RUNX2: variants seen among roughly 807,000 people sequenced by gnomAD.
RUNX2 encodes the protein runt-related transcription factor 2.
A neutral mutation model predicts 51.7 loss-of-function variants in RUNX2; 10 were observed. The observed-to-expected ratio is 0.19, with a 90% CI of 0.12 to 0.33. The LOEUF (loss-of-function observed/expected upper bound fraction) is 0.33, where lower values mean the gene tolerates loss of function less well. Among genes scored for constraint, RUNX2 ranks in the 10% least tolerant of loss-of-function variants. The probability of loss-of-function intolerance (pLI) is 1.00; values close to 1 mark genes in which losing one functional copy is unlikely to be tolerated. For synonymous variants in RUNX2, 276 were observed against 273.6 expected, an observed-to-expected ratio of 1.01 and a Z score of -0.09; for missense variants, 562 against 691.3, an observed-to-expected ratio of 0.81 and a Z score of 2.10.
chr6:45,475,237 G>A (rs971269493), intron 5 of RUNX2, among the ~76,000 whole-genome samples: 1 of 152,116 alleles, frequency 6.6e-6, no homozygotes, highest in South Asian at 2.1e-4. Flanking sequence ...ATAAGAAAGT[G>A]GCAACTGGAG....
Position 45,521,983 on chromosome 6 carries a change from A to G in RUNX2, c.1021+9576A>G, listed in dbSNP as rs545687042. On this transcript the variant is annotated intron_variant, in intron 7 of 8. Transcript: ENST00000647337. ...GAGCTGTTTTTTTGTAGATCCAAATATGATACTTTACAGTTATCCCTGTTA... is the reference window on the plus strand; with the variant it reads ...GAGCTGTTTTTTTGTAGATCCAAATGTGATACTTTACAGTTATCCCTGTTA... Among the ~76,000 whole-genome samples, 4 of 152,328 alleles carry G rather than the reference A, an allele frequency of 2.6e-5. No homozygotes were observed. In the South Asian group the frequency reaches 6.2e-4, roughly 24 times the overall value.
intron 5 of RUNX2, among the ~76,000 whole-genome samples, chr6:45,452,172 C>T (rs1799191835): frequency 6.6e-6 from 1 of 152,188 alleles, no homozygotes; most frequent in Non-Finnish European, 1.5e-5. Context: ...TCATTTTTGT[C>T]TGTTCCTCCC....
intron 5 of RUNX2, among the ~76,000 whole-genome samples, chr6:45,479,786 A>C (rs1800058013): frequency 6.6e-6 from 1 of 152,232 alleles, no homozygotes; most frequent in Admixed American, 6.5e-5. Context: ...TTTTAATATT[A>C]ACCCACACCA....
intron 7 of RUNX2, among the ~76,000 whole-genome samples, chr6:45,518,605 G>T (rs892893109): frequency 2.6e-5 from 4 of 152,070 alleles, no homozygotes; most frequent in Admixed American, 2.0e-4. Flanking sequence ...AGATACTAAA[G>T]CTCAGAATGA....
chr6:45,378,502 AGCTCTTACGCCGCTTCCGC>A (rs1797117279), intron 2 of RUNX2, among the ~76,000 whole-genome samples: 2 of 152,216 alleles, frequency 1.3e-5, no homozygotes, highest in Non-Finnish European at 2.9e-5. Context: ...CGGCGAAACC[AGCTCTTACGCCGCTTCCGC>A]GCGCCATCAC....
chr6:45,437,655 A>G (rs1798721505), intron 4 of RUNX2, among the ~76,000 whole-genome samples: 2 of 152,166 alleles, frequency 1.3e-5, no homozygotes. Context: ...CCTCAAGTGG[A>G]CCAGGGTTTT....
chr6:45,389,585 T>C (rs1797425705), intron 2 of RUNX2, among the ~76,000 whole-genome samples: 1 of 152,220 alleles, frequency 6.6e-6, no homozygotes, highest in Non-Finnish European at 1.5e-5. Flanking sequence ...AAAGTTTATT[T>C]GTACAATAAG....
intron 6 of RUNX2, among the ~76,000 whole-genome samples, chr6:45,502,651 C>T (rs982867302): frequency 6.6e-6 from 1 of 152,128 alleles, no homozygotes; most frequent in African/African-American, 2.4e-5. Flanking sequence ...TGAGTGCAGC[C>T]CCTGGACTCC....
chr6:45,372,606 C>T (rs1016687146), intron 2 of RUNX2, among the ~76,000 whole-genome samples: 1 of 152,024 alleles, frequency 6.6e-6, no homozygotes, highest in Non-Finnish European at 1.5e-5. Flanking sequence ...ATTTACTGTC[C>T]TGTGAATTCA....
At chr6:45,391,616 C>T (rs1005285487) in intron 2 of RUNX2, among the ~76,000 whole-genome samples, 2 of 152,154 alleles carry the variant, frequency 1.3e-5, no homozygotes, top group Non-Finnish European at 2.9e-5. Context: ...TTAATTGACT[C>T]ACAGTTCAGC....
chr6:45,333,658 T>C (rs1787964851), intron 2 of RUNX2, among the ~76,000 whole-genome samples: 1 of 151,400 alleles, frequency 6.6e-6, no homozygotes, highest in African/African-American at 2.4e-5. Context: ...TCATTTTTTA[T>C]ATCATTTAAC....
At chr6:45,450,074 A>G (rs1329326846) in intron 5 of RUNX2, among the ~76,000 whole-genome samples, 3 of 152,216 alleles carry the variant, frequency 2.0e-5, no homozygotes, top group African/African-American at 7.2e-5. Flanking sequence ...CATCAGGAAA[A>G]TGATGGAATG....
At chr6:45,460,109 G>T (rs73448149) in intron 5 of RUNX2, among the ~76,000 whole-genome samples, 2,458 of 152,286 alleles carry the variant, frequency 0.016, 66 homozygotes, top group African/African-American at 0.055. Context: ...CAGGCTCTAG[G>T]TCAAATCTGG....
chr6:45,375,995 T>TA (rs1170544311), intron 2 of RUNX2, among the ~76,000 whole-genome samples: 1 of 151,996 alleles, frequency 6.6e-6, no homozygotes, highest in East Asian at 1.9e-4. Context: ...CACAAAAGGT[T>TA]AAAAAAGAAA....
At chr6:45,356,633 GA>G (rs1793245398) in intron 2 of RUNX2, among the ~76,000 whole-genome samples, 1 of 151,884 alleles carries the variant, frequency 6.6e-6, no homozygotes, top group East Asian at 1.9e-4. Context: ...ACTCCTGACT[GA>G]CCTCAAGTGA....
intron 7 of RUNX2, among the ~76,000 whole-genome samples, chr6:45,541,161 C>T (rs1331218608): frequency 6.6e-6 from 1 of 150,684 alleles, no homozygotes; most frequent in Non-Finnish European, 1.5e-5. Context: ...CAACCATGCA[C>T]TGACATTTTT....
intron 2 of RUNX2, among the ~76,000 whole-genome samples, chr6:45,402,261 A>G (rs775552196): frequency 4.6e-5 from 7 of 152,340 alleles, no homozygotes; most frequent in South Asian, 2.1e-4. Flanking sequence ...TCCCTTAGCA[A>G]CTGGCAAATT....
At chr6:45,472,754 A>G (rs1799843173) in intron 5 of RUNX2, among the ~76,000 whole-genome samples, 2 of 152,124 alleles carry the variant, frequency 1.3e-5, no homozygotes, top group South Asian at 4.1e-4. Context: ...TTAGTGAAAC[A>G]CCCGTGGACA....
chr6:45,547,659 G>C lies in RUNX2; in HGVS notation c.*354G>C. 1 of 320,800 alleles carries C rather than the reference G, an allele frequency of 3.1e-6. No individual in the cohort carries two copies. The highest frequency in any genetic ancestry group is 8.4e-5 in the East Asian group (1 of 11,874). 19.9% of individuals were successfully genotyped at this position (320,800 alleles called of 1,614,324 possible). On this transcript the variant is annotated 3_prime_UTR_variant, in exon 9 of 9. Coordinates refer to ENST00000647337, the MANE Select transcript of RUNX2 (RefSeq NM_001024630.4). ...GCCAATTCAGAGAGGTGGACTCCAG[G>C]TTCAGGAGGGAGAAGAGCAAAGCCG...
Sources: allele counts gnomAD v4.1 joint callset (sites outside exome capture counted in the v4.1 genomes callset), GRCh38; gene constraint gnomAD v4.1.1; transcripts MANE v1.5; gene names NCBI Gene and HGNC (gene_info 2026-07-23, HGNC 2026-07-21).